The following CLTC variants were observed in gnomAD, a reference collection of about 807,000 sequenced individuals.
CLTC encodes clathrin heavy chain.
In CLTC, 16 loss-of-function variants were observed where a neutral mutation model predicts 195.8. The observed-to-expected ratio is 0.08, with a 90% CI of 0.06 to 0.12. The LOEUF (loss-of-function observed/expected upper bound fraction) is 0.12, where lower values mean the gene tolerates loss of function less well. Among genes scored for constraint, CLTC ranks in the 10% least tolerant of loss-of-function variants. CLTC has a pLI of 1.00. For synonymous variants in CLTC, 667 were observed against 689.4 expected, an observed-to-expected ratio of 0.97 and a Z score of 0.51; for missense variants, 796 against 2,027.0, an observed-to-expected ratio of 0.39 and a Z score of 11.66.
At chr17:59,649,668 C>CT (rs1251416506) in intron 4 of CLTC, among the ~76,000 whole-genome samples, 1 of 152,128 alleles carries the variant, frequency 6.6e-6, no homozygotes, top group Non-Finnish European at 1.5e-5. Flanking sequence ...ATAGAGATTG[C>CT]TTAAGATATC....
Position 59,685,562 on chromosome 17 carries a change from T to C in CLTC, c.4606-25T>C, listed in dbSNP as rs772416789. 1.3e-4 allele frequency: 208 copies of C among 1,582,160 alleles called. No homozygotes were observed. Among genetic ancestry groups the C allele is most frequent in the Non-Finnish European group, 9.5e-6 (11 of 1,152,012 alleles). ...TTCAGTATGTGGGGTCTAATGTTTT[T>C]GACTTTCACTATTTCTTTGAATAGG... On this transcript the variant is annotated intron_variant, in intron 29 of 31. Coordinates refer to ENST00000269122, the MANE Select transcript of CLTC (RefSeq NM_004859.4). The surrounding 1 kb of genome is among the most constrained non-coding windows in gnomAD (Gnocchi z 5.0).
chr17:59,692,298 A>G (rs1458386547), intron 31 of CLTC, among the ~76,000 whole-genome samples: 1 of 148,292 alleles, frequency 6.7e-6, no homozygotes, highest in Non-Finnish European at 1.5e-5. Flanking sequence ...TGGGCGACAG[A>G]GCGAGACTCC....
At chr17:59,642,792 T>C (rs1330840229) in intron 1 of CLTC, among the ~76,000 whole-genome samples, 2 of 152,248 alleles carry the variant, frequency 1.3e-5, no homozygotes, top group Non-Finnish European at 2.9e-5. Context: ...TTCTTGCCCC[T>C]ATATTCAGTG....
Position 59,677,110 on chromosome 17 carries a change from A to C in CLTC, c.2718A>C (p.Gly906=). Residue 906 remains glycine (G), a synonymous_variant, in exon 17 of 32, where the codon GGA becomes GGC. Coordinates refer to ENST00000269122, the MANE Select transcript of CLTC (RefSeq NM_004859.4). ...CCTACTATGACAGTCGCGTTGTTGGAAAGTATTGTGAGAAGAGAGATCCAC... is the reference window on the plus strand; with the variant it reads ...CCTACTATGACAGTCGCGTTGTTGGCAAGTATTGTGAGAAGAGAGATCCAC... The part of the protein sequence containing the change: ...ENPYYDSRVV[G]KYCEKRDPHL... The C allele has an allele frequency of 1.9e-6, 3 of 1,614,052 alleles. No homozygotes were observed. The highest frequency in any genetic ancestry group is 2.5e-6 in the Non-Finnish European group (3 of 1,179,992).
At chr17:59,631,664 A>T (rs928349300) in intron 1 of CLTC, among the ~76,000 whole-genome samples, 1 of 152,196 alleles carries the variant, frequency 6.6e-6, no homozygotes, top group Admixed American at 6.5e-5. Flanking sequence ...GAGTAACAAG[A>T]TTTTTTAAAA....
At chr17:59,657,118 GTAGA>G (rs1275496598) in intron 6 of CLTC, among the ~76,000 whole-genome samples, 1 of 152,138 alleles carries the variant, frequency 6.6e-6, no homozygotes, top group Non-Finnish European at 1.5e-5. Flanking sequence ...AGCAAAGGAA[GTAGA>G]TAGATTTTGT....
At chr17:59,641,418 T>A (rs886637145) in intron 1 of CLTC, among the ~76,000 whole-genome samples, 5 of 151,648 alleles carry the variant, frequency 3.3e-5, no homozygotes, top group African/African-American at 1.2e-4. Flanking sequence ...CTGGCCAACA[T>A]GGTGAAACTC....
chr17:59,679,048 T>C (rs542750245), intron 17 of CLTC, among the ~76,000 whole-genome samples: 1 of 152,316 alleles, frequency 6.6e-6, no homozygotes, highest in South Asian at 2.1e-4. Flanking sequence ...GTGTATTTGC[T>C]TCTAAGATCT....
At chr17:59,693,236 G>A (rs1020681952) in intron 31 of CLTC, among the ~76,000 whole-genome samples, 6 of 151,782 alleles carry the variant, frequency 4.0e-5, no homozygotes, top group African/African-American at 1.2e-4. Flanking sequence ...ACATGGTGGC[G>A]CACACCCATA....
In CLTC at chr17:59,682,894, A is replaced by G; in HGVS notation, c.3766-13A>G. On this transcript the variant is annotated splice_polypyrimidine_tract_variant and intron_variant, in intron 23 of 31. Coordinates refer to ENST00000269122, the MANE Select transcript of CLTC (RefSeq NM_004859.4). The surrounding 1 kb of genome is among the most constrained non-coding windows in gnomAD (Gnocchi z 6.8). ...TTACATTTGAGTTCACAGAAAGGAAATGTTTATTCTAGGTCTGCTTCGCCT... is the reference window on the plus strand; with the variant it reads ...TTACATTTGAGTTCACAGAAAGGAAGTGTTTATTCTAGGTCTGCTTCGCCT... 1.2e-6 allele frequency: 2 copies of G among 1,613,426 alleles called. No individual in the cohort carries two copies. Among genetic ancestry groups the G allele is most frequent in the Non-Finnish European group, 1.7e-6 (2 of 1,179,600 alleles).
In CLTC at chr17:59,655,648, T is replaced by C. The variant is rs574286647; in HGVS notation, c.796-206T>C. Among the ~76,000 whole-genome samples the C allele has an allele frequency of 1.4e-4, 21 of 152,344 alleles. No individual in the cohort carries two copies. The South Asian group carries it at 2.9e-3, about 21-fold the overall frequency. On this transcript the variant is annotated intron_variant, in intron 5 of 31. Transcript: ENST00000269122. ...AAGTTTTGAATTGTCTTTCCTCTTA[T>C]CAGTTTCATGTTATATAAGAGCTTG...
chr17:59,690,819 C>T (rs1241827103), intron 31 of CLTC, 108 bp downstream of exon 31: 11 of 732,134 alleles, frequency 1.5e-5, no homozygotes, highest in Non-Finnish European at 2.5e-5. Context: ...AAAAGGCTTT[C>T]TAAGAAATAC....
chr17:59,666,983 T>G lies in CLTC; in HGVS notation c.2128+6T>G, dbSNP rs748447657. 5 of 1,605,704 alleles carry G rather than the reference T, an allele frequency of 3.1e-6. No homozygotes were observed. In the East Asian group the frequency reaches 1.1e-4, roughly 36 times the overall value. ...ATCTTTCAAGAGTTTTGAAGGTAAT[T>G]AGGAGTTTTTGAGTTTTTAAAAAAA... On this transcript the variant is annotated splice_donor_region_variant and intron_variant, in intron 13 of 31. Transcript: ENST00000269122. This position sits in a 1 kb window ranked among gnomAD's most constrained non-coding sequence, Gnocchi z 4.9.
intron 13 of CLTC, 48 bp from the exon 14 acceptor site, chr17:59,668,729 T>C (rs759905333): frequency 6.1e-6 from 9 of 1,473,228 alleles, no homozygotes; most frequent in Non-Finnish European, 7.3e-6. Context: ...TTTTCAGTCA[T>C]TCTCAAAAGT....
chr17:59,654,113 C>T (rs1251967980), intron 5 of CLTC, among the ~76,000 whole-genome samples: 2 of 152,132 alleles, frequency 1.3e-5, no homozygotes, highest in South Asian at 2.1e-4. Context: ...GATCCTTCTG[C>T]CTCAGCCTCC....
chr17:59,695,201 G>A lies in CLTC; in HGVS notation c.*1349G>A, dbSNP rs1025245529. 16 of 200,108 alleles carry A rather than the reference G, an allele frequency of 8.0e-5. No homozygotes were observed. The highest frequency in any genetic ancestry group is 1.5e-4 in the Non-Finnish European group (15 of 96,998). 12.4% of individuals were successfully genotyped at this position (200,108 alleles called of 1,614,324 possible). ...TTCAAAAATTGGTTGTGTGAATCCA[G>A]CTCTTGCTTATGGCTGAGAATGTTC... On this transcript the variant is annotated 3_prime_UTR_variant, in exon 32 of 32. Transcript: ENST00000269122.
chr17:59,663,869 C>A lies in CLTC; in HGVS notation c.1396C>A (p.Leu466Ile). ...KLECSEELGD[L>I]VKSVDPTLAL... ...GGAATGTTCTGAAGAACTGGGTGAT[C>A]TTGTGAAATCTGTGGACCCTACATT... is the stretch of plus-strand genomic sequence containing the variant. Residue 466 changes from leucine to isoleucine, a missense_variant, in exon 9 of 32, where the codon CTT becomes ATT. Leu to Ile is a conservative substitution (Grantham distance 5). This residue lies in a region of CLTC where 293 missense variants were observed against 795.6 expected (regional missense o/e 0.37). Coordinates refer to ENST00000269122, the MANE Select transcript of CLTC (RefSeq NM_004859.4). The A allele has an allele frequency of 6.2e-7, 1 of 1,613,046 alleles. No individual in the cohort carries two copies. The highest frequency in any genetic ancestry group is 1.3e-5 in the African/African-American group (1 of 74,990).
At chr17:59,663,248 A>G (rs2032651060) in intron 8 of CLTC, among the ~76,000 whole-genome samples, 1 of 152,218 alleles carries the variant, frequency 6.6e-6, no homozygotes, top group Non-Finnish European at 1.5e-5. Flanking sequence ...AGGCAGACTG[A>G]ATAACACAGA....
Position 59,653,187 on chromosome 17 carries a change from A to G in CLTC, c.795+1871A>G, listed in dbSNP as rs550280062. On this transcript the variant is annotated intron_variant, in intron 5 of 31. Coordinates refer to ENST00000269122, the MANE Select transcript of CLTC (RefSeq NM_004859.4). ...TATTTATTTGTTTATTTATTTATTT[A>G]TTTATTTTATTTATTTTTTTTTTTG... 3.1e-4 allele frequency among the ~76,000 whole-genome samples: 46 copies of G among 149,550 alleles called. No individual in the cohort carries two copies. In the South Asian group the frequency reaches 3.8e-3, roughly 12 times the overall value.
Sources: gnomAD v4.1 joint callset for allele counts (sites outside exome capture counted in the v4.1 genomes callset) on GRCh38, gnomAD v4.1.1 for gene constraint, gnomAD v4.1.1 regional missense constraint, Gnocchi (gnomAD v3.1) non-coding constraint, MANE v1.5 for transcripts, NCBI Gene and HGNC (gene_info 2026-07-23, HGNC 2026-07-21) for gene names.